The following SH3D19 variants were observed in gnomAD, a reference collection of about 807,000 sequenced individuals.
The protein encoded by SH3D19 is SH3 domain-containing protein 19.
In SH3D19, 58 loss-of-function variants were observed where a neutral mutation model predicts 112.1. The ratio of observed to expected loss-of-function variants is 0.52; its 90% CI spans 0.42 to 0.64. SH3D19 has a LOEUF of 0.64. Among genes scored for constraint, SH3D19 ranks in the 30% least tolerant of loss-of-function variants. The pLI, the probability that SH3D19 is intolerant of heterozygous loss-of-function variation, is 0.00. For synonymous variants in SH3D19, 391 were observed against 448.5 expected (o/e 0.87, Z 1.62); for missense variants, 1,090 against 1,263.4 (o/e 0.86, Z 2.08).
chr4:151,144,335 CTCT>C (rs1361656610), intron 11 of SH3D19: 5 of 1,542,842 alleles, frequency 3.2e-6, no homozygotes, highest in Non-Finnish European at 4.5e-6. Context: ...AAATAACCTC[CTCT>C]TAAGTTGCTG....
intron 3 of SH3D19, among the ~76,000 whole-genome samples, chr4:151,186,727 G>A (rs568123810): frequency 3.3e-5 from 5 of 151,890 alleles, no homozygotes; most frequent in African/African-American, 9.7e-5. Flanking sequence ...ATGAGCCACC[G>A]TGCCTGCCAG....
intron 3 of SH3D19, among the ~76,000 whole-genome samples, chr4:151,184,627 T>C (rs1761461412): frequency 6.6e-6 from 1 of 152,160 alleles, no homozygotes; most frequent in African/African-American, 2.4e-5. Flanking sequence ...TTTTCTCTTC[T>C]TTCATGGCTC....
chr4:151,263,993 C>G (rs910215075), intron 1 of SH3D19, among the ~76,000 whole-genome samples: 1 of 152,112 alleles, frequency 6.6e-6, no homozygotes, highest in African/African-American at 2.4e-5. Flanking sequence ...TTTGTGGAGA[C>G]AAAGTCTTGT....
At chr4:151,286,982 AAATAAT>A (rs113584974) in intron 1 of SH3D19, among the ~76,000 whole-genome samples, 60 of 141,838 alleles carry the variant, frequency 4.2e-4, no homozygotes, top group African/African-American at 1.3e-3. Flanking sequence ...TCTGTCTCAA[AAATAAT>A]AATAATAATA....
At chr4:151,127,023 C>T (rs1749553851) in intron 19 of SH3D19, among the ~76,000 whole-genome samples, 1 of 151,540 alleles carries the variant, frequency 6.6e-6, no homozygotes, top group African/African-American at 2.4e-5. Context: ...CATTCTCCTG[C>T]CTCAGCCTCC....
intron 2 of SH3D19, among the ~76,000 whole-genome samples, chr4:151,187,923 C>T (rs1006559932): frequency 4.6e-5 from 7 of 152,084 alleles, no homozygotes; most frequent in Non-Finnish European, 2.9e-5. Context: ...AAAACATCAC[C>T]ACCTAAAAAT....
chr4:151,138,602 G>A (rs890118510), intron 13 of SH3D19, among the ~76,000 whole-genome samples: 2 of 151,574 alleles, frequency 1.3e-5, no homozygotes, highest in African/African-American at 2.4e-5. Context: ...AGCTGAGGGA[G>A]GAGGATCACT....
intron 19 of SH3D19, among the ~76,000 whole-genome samples, chr4:151,125,051 TTTTCTTTC>T (rs10658828): frequency 3.3e-5 from 5 of 151,326 alleles, no homozygotes; most frequent in African/African-American, 4.8e-5. Context: ...AAGGCAACAG[TTTTCTTTC>T]TTTCTTTCTT....
intron 2 of SH3D19, among the ~76,000 whole-genome samples, chr4:151,200,255 T>A (rs1040623858): frequency 6.6e-6 from 1 of 151,796 alleles, no homozygotes; most frequent in South Asian, 2.1e-4. Flanking sequence ...TACATACACA[T>A]ACACACACAC....
At chr4:151,192,129 G>A (rs1389872444) in intron 2 of SH3D19, among the ~76,000 whole-genome samples, 1 of 151,020 alleles carries the variant, frequency 6.6e-6, no homozygotes, top group Non-Finnish European at 1.5e-5. Context: ...AGTAGAGATG[G>A]GGTTTCACCA....
chr4:151,171,558 G>A (rs1446195555), intron 7 of SH3D19, among the ~76,000 whole-genome samples: 3 of 152,058 alleles, frequency 2.0e-5, no homozygotes, highest in African/African-American at 7.2e-5. Context: ...TTCCACACCT[G>A]CTGGTGAACA....
chr4:151,306,066 A>G (rs72725936), intron 1 of SH3D19, among the ~76,000 whole-genome samples: 2,079 of 152,288 alleles, frequency 0.014, 20 homozygotes, highest in Non-Finnish European at 0.022. Context: ...TCATTTATTT[A>G]ATATTCTAGG....
chr4:151,247,136 A>T lies in SH3D19; in HGVS notation c.113-21050T>A, dbSNP rs565089756. On this transcript the variant is annotated intron_variant, in intron 1 of 19. Transcript: ENST00000604030. ...ATCCTGAATTCTATAAAATGATAAA[A>T]TTTTTATAATTTTTCTCTCAGATTT... Among the ~76,000 whole-genome samples the T allele has an allele frequency of 3.3e-5, 5 of 152,234 alleles. No homozygotes were observed. In the East Asian group the frequency reaches 9.6e-4, roughly 29 times the overall value.
At chr4:151,279,978 T>C (rs781069585) in intron 1 of SH3D19, 1 of 1,365,950 alleles carries the variant, frequency 7.3e-7, no homozygotes, top group Non-Finnish European at 9.7e-7. Context: ...AGCTGGCAGC[T>C]AACACACAGA....
At chr4:151,288,580 C>T (rs897475553) in intron 1 of SH3D19, among the ~76,000 whole-genome samples, 2 of 151,744 alleles carry the variant, frequency 1.3e-5, no homozygotes, top group Non-Finnish European at 2.9e-5. Context: ...AACCTCGTCT[C>T]TACTAAAAAT....
At chr4:151,122,566 T>A (rs1467721912) in intron 19 of SH3D19, among the ~76,000 whole-genome samples, 2 of 151,882 alleles carry the variant, frequency 1.3e-5, no homozygotes, top group Non-Finnish European at 2.9e-5. Flanking sequence ...CCACTATGTG[T>A]CAGACACTGT....
At chr4:151,282,144 A>G in intron 1 of SH3D19, 2 of 1,613,124 alleles carry the variant, frequency 1.2e-6, no homozygotes, top group Non-Finnish European at 1.7e-6. Context: ...TCTTTTCCCC[A>G]TAGGACCTGG....
intron 7 of SH3D19, among the ~76,000 whole-genome samples, chr4:151,167,909 C>T (rs1758377535): frequency 6.6e-6 from 1 of 152,226 alleles, no homozygotes; most frequent in Admixed American, 6.5e-5. Context: ...GTGAGGCGCG[C>T]CTCTGCCCGG....
intron 8 of SH3D19, among the ~76,000 whole-genome samples, chr4:151,161,573 C>A (rs1352579976): frequency 2.0e-5 from 3 of 150,834 alleles, no homozygotes; most frequent in Non-Finnish European, 4.4e-5. Context: ...AAATTACCTG[C>A]CATTTAAAGC....
Sources: gnomAD v4.1 joint callset for allele counts (sites outside exome capture counted in the v4.1 genomes callset) on GRCh38, gnomAD v4.1.1 for gene constraint, MANE v1.5 for transcripts, NCBI Gene and HGNC (gene_info 2026-07-23, HGNC 2026-07-21) for gene names.